Variants in BYSL observed in about 807,000 individuals in gnomAD.
BYSL encodes the protein bystin.
Under a neutral mutation model 45.4 loss-of-function variants are expected in BYSL, and 21 were observed. The observed-to-expected ratio is 0.46, with a 90% CI of 0.33 to 0.67. The LOEUF is 0.67. BYSL is among the 30% of genes least tolerant of loss of function. The pLI is 0.02. For synonymous variants in BYSL, 215 were observed against 231.3 expected (o/e 0.93, Z 0.64); for missense variants, 522 against 578.5 (o/e 0.90, Z 1.00).
upstream of BYSL, chr6:41,921,191 C>CG (rs1775458335): frequency 8.6e-6 from 7 of 813,618 alleles, no homozygotes; most frequent in Middle Eastern, 2.5e-4. Flanking sequence ...GGGCGTGTCT[C>CG]GGCACCCCTC....
intron 3 of BYSL, 163 bp from the exon 4 acceptor site, chr6:41,930,472 C>T: frequency 8.2e-7 from 1 of 1,224,620 alleles, no homozygotes; most frequent in African/African-American, 1.5e-5. Context: ...TACTGGAACT[C>T]TCACTGGTCA....
intron 1 of BYSL, among the ~76,000 whole-genome samples, chr6:41,924,678 G>C (rs1210788716): frequency 1.3e-5 from 2 of 152,212 alleles, no homozygotes; most frequent in Non-Finnish European, 2.9e-5. Flanking sequence ...CCTAACAGCA[G>C]TGGGAAGAAT....
upstream of BYSL, among the ~76,000 whole-genome samples, chr6:41,919,690 G>A (rs775975796): frequency 4.6e-5 from 7 of 152,118 alleles, no homozygotes; most frequent in Admixed American, 2.0e-4. Flanking sequence ...AATACTTTGG[G>A]AGACCAAAGC....
chr6:41,913,451 T>C, the BYSL span, among the ~76,000 whole-genome samples: 9 of 152,328 alleles, frequency 5.9e-5, no homozygotes, highest in Admixed American at 4.6e-4. Context: ...CCATCTCATA[T>C]CTATATCCAA....
At chr6:41,920,854 G>C (rs1341190289), upstream of BYSL, 9 of 950,246 alleles carry the variant, frequency 9.5e-6, no homozygotes, top group South Asian at 1.9e-4. Context: ...AAACAAGCCC[G>C]GGGAACCCGC....
upstream of BYSL, chr6:41,921,400 T>C (rs1371439071): frequency 4.1e-6 from 4 of 983,912 alleles, no homozygotes; most frequent in Admixed American, 3.0e-5. Flanking sequence ...GGGAGCTCTT[T>C]TAGTGGGAGG....
At chr6:41,916,914 C>G, upstream of BYSL, 1 of 1,613,998 alleles carries the variant, frequency 6.2e-7, no homozygotes, top group Non-Finnish European at 8.5e-7. Flanking sequence ...ACACTCTTGC[C>G]CTCGGCCACA....
chr6:41,919,772 T>TA (rs370884640), upstream of BYSL, among the ~76,000 whole-genome samples: 188 of 152,032 alleles, frequency 1.2e-3, 2 homozygotes, highest in African/African-American at 4.3e-3. Context: ...TCTATTTCTT[T>TA]AAAAAAAAGA....
chr6:41,915,974 T>C, the BYSL span, among the ~76,000 whole-genome samples: 1 of 151,870 alleles, frequency 6.6e-6, no homozygotes, highest in Admixed American at 6.6e-5. Flanking sequence ...TAGCCAGGAG[T>C]GGTGGCTCAT....
chr6:41,918,459 G>A (rs1440574077), upstream of BYSL, among the ~76,000 whole-genome samples: 5 of 149,364 alleles, frequency 3.3e-5, no homozygotes, highest in African/African-American at 1.2e-4. Flanking sequence ...AGCCAAGATC[G>A]CACCACTGCC....
the BYSL span, among the ~76,000 whole-genome samples, chr6:41,916,471 T>C: frequency 6.6e-6 from 1 of 151,480 alleles, no homozygotes; most frequent in African/African-American, 2.4e-5. Flanking sequence ...CCCAGCTACC[T>C]GGGAAGGCTG....
At chr6:41,917,144 G>A (rs1278804110), upstream of BYSL, among the ~76,000 whole-genome samples, 1 of 152,150 alleles carries the variant, frequency 6.6e-6, no homozygotes, top group Non-Finnish European at 1.5e-5. Flanking sequence ...GCTCATGCCT[G>A]TAATACCAGC....
chr6:41,925,407 A>G (rs1039454217), intron 1 of BYSL, among the ~76,000 whole-genome samples: 5 of 149,882 alleles, frequency 3.3e-5, no homozygotes, highest in African/African-American at 1.2e-4. Flanking sequence ...TCTGTCGCCC[A>G]GGCTGGAGTG....
At chr6:41,911,739 G>A in the BYSL span, among the ~76,000 whole-genome samples, 5 of 152,090 alleles carry the variant, frequency 3.3e-5, no homozygotes, top group Admixed American at 3.3e-4. Flanking sequence ...GCTGCTGTGC[G>A]TGAACACAGC....
upstream of BYSL, chr6:41,920,936 T>A (rs995855947): frequency 1.3e-6 from 2 of 1,566,148 alleles, no homozygotes; most frequent in Non-Finnish European, 1.7e-6. Flanking sequence ...CGGCGGACCA[T>A]GGTCAAGGTC....
intron 1 of BYSL, 111 bp downstream of exon 1, chr6:41,921,941 A>C: frequency 7.1e-7 from 1 of 1,404,778 alleles, no homozygotes; most frequent in Admixed American, 2.7e-5. Context: ...AGGGGTCCGT[A>C]TTACACTTGC....
At position 41,921,557 on chromosome 6, in the gene BYSL, A is replaced by G. The variant is rs1775472869; in HGVS notation, c.-6A>G. The G allele has an allele frequency of 1.9e-6, 3 of 1,555,574 alleles. No individual in the cohort carries two copies. Among genetic ancestry groups the G allele is most frequent in the East Asian group, 4.6e-5 (2 of 43,878 alleles). On this transcript the variant is annotated 5_prime_UTR_variant, in exon 1 of 7. Coordinates refer to ENST00000230340, the MANE Select transcript of BYSL (RefSeq NM_004053.4). ...GCGATCCTTCCCGGCAACTTTTTCGAGAAAAATGCCCAAATTCAAGGCGGC... is the reference window on the plus strand; with the variant it reads ...GCGATCCTTCCCGGCAACTTTTTCGGGAAAAATGCCCAAATTCAAGGCGGC...
chr6:41,910,068 G>A, the BYSL span, among the ~76,000 whole-genome samples: 1 of 152,116 alleles, frequency 6.6e-6, no homozygotes, highest in East Asian at 1.9e-4. Context: ...TGGGATCCAA[G>A]CTGTGATAGG....
upstream of BYSL, chr6:41,917,648 G>A (rs1436946971): frequency 1.4e-5 from 6 of 414,476 alleles, no homozygotes; most frequent in South Asian, 1.0e-4. Context: ...GCGTTCTCAA[G>A]TGTGGCATGC....
Sources: gnomAD v4.1 joint callset for allele counts (sites outside exome capture counted in the v4.1 genomes callset) on GRCh38, gnomAD v4.1.1 for gene constraint, MANE v1.5 for transcripts, NCBI Gene and HGNC (gene_info 2026-07-23, HGNC 2026-07-21) for gene names.